Variants in ZXDC observed in about 807,000 individuals in gnomAD.
The protein encoded by ZXDC is ZXD family zinc finger C, also known as zinc finger protein ZXDC.
Under a neutral mutation model 63.6 loss-of-function variants are expected in ZXDC, and 58 were observed. The ratio of observed to expected loss-of-function variants is 0.91; its 90% CI spans 0.74 to 1.13. The LOEUF (loss-of-function observed/expected upper bound fraction) is 1.13. ZXDC is among the 50% of genes most tolerant of loss of function. ZXDC has a pLI of 0.00. For synonymous variants in ZXDC, 561 were observed against 496.1 expected (o/e 1.13, Z -1.74); for missense variants, 1,133 against 1,148.9 (o/e 0.99, Z 0.20).
intron 1 of ZXDC, among the ~76,000 whole-genome samples, chr3:126,473,624 C>G (rs1224781999): frequency 6.6e-6 from 1 of 152,216 alleles, no homozygotes; most frequent in African/African-American, 2.4e-5. Flanking sequence ...AGACTTTGAG[C>G]TAGTGGCCTC....
At chr3:126,441,360 G>T in intron 8 of ZXDC, 1 of 1,022,872 alleles carries the variant, frequency 9.8e-7, no homozygotes, top group Non-Finnish European at 1.2e-6. Flanking sequence ...GAAATGGGGT[G>T]GCTGAGACGG....
At chr3:126,443,825 A>C (rs572733432) in intron 7 of ZXDC, among the ~76,000 whole-genome samples, 1 of 152,254 alleles carries the variant, frequency 6.6e-6, no homozygotes, top group Non-Finnish European at 1.5e-5. Context: ...AACTGCAATT[A>C]TTAGTAATGC....
At position 126,475,383 on chromosome 3, in the gene ZXDC, G is replaced by A. The variant is rs1355832346; in HGVS notation, c.483C>T (p.Pro161=). The A allele has an allele frequency of 3.2e-6, 4 of 1,234,406 alleles. No individual in the cohort carries two copies. Among genetic ancestry groups the A allele is most frequent in the Admixed American group, 8.7e-5 (2 of 22,864 alleles). The allele number at this position is 1,234,406 out of a possible 1,614,324, so 76.5% of individuals were successfully genotyped here. ...GGCCGGAGGCCTGGGGCGCGCGGCG[G>A]GGAGCGGCGGCGCCCGCGGTTGCGG... ...PGPATAGAAA[P]RRAPQASGPS... The change falls in exon 1 of 10, where the codon CCC becomes CCT. Residue 161 remains proline (P), a synonymous_variant. Coordinates refer to ENST00000389709, the MANE Select transcript of ZXDC (RefSeq NM_025112.5).
chr3:126,458,980 T>A (rs1934416362), intron 7 of ZXDC: 10 of 980,862 alleles, frequency 1.0e-5, no homozygotes, highest in Non-Finnish European at 1.2e-5. Flanking sequence ...AGATATAAAA[T>A]CATATCAACC....
chr3:126,451,706 G>A (rs951353380), intron 7 of ZXDC: 14 of 985,344 alleles, frequency 1.4e-5, no homozygotes, highest in South Asian at 4.7e-5. Context: ...CTCGCTCGTT[G>A]CCATCCTCCT....
intron 8 of ZXDC, chr3:126,441,225 G>A: frequency 2.0e-6 from 2 of 985,966 alleles, no homozygotes; most frequent in Non-Finnish European, 2.4e-6. Context: ...GGACAGGCTG[G>A]GAGGGGCCTG....
At chr3:126,454,351 AG>A (rs1934229663) in intron 7 of ZXDC, 1 of 985,082 alleles carries the variant, frequency 1.0e-6, no homozygotes. Context: ...AAATGTCTAT[AG>A]GTCTTATAGT....
In ZXDC at chr3:126,439,636, A is replaced by G. The variant is rs758879811; in HGVS notation, c.2486T>C (p.Leu829Pro). ...FLTVDLPVYV[L>P]QEVLPSSGGP... ...AGGGCAGTAAGGCATCCAGACCTGG[A>G]GGACGTAGACGGGCAGGTCCACAGT... Residue 829 changes from leucine (L) to proline (P), a missense_variant, in exon 9 of 10, where the codon CTC becomes CCC. Transcript: ENST00000389709. 4.5e-6 allele frequency: 7 copies of G among 1,553,048 alleles called. No homozygotes were observed. In the South Asian group the frequency reaches 7.1e-5, roughly 16 times the overall value.
intron 7 of ZXDC, chr3:126,453,510 T>C: frequency 2.0e-6 from 2 of 985,450 alleles, no homozygotes; most frequent in Non-Finnish European, 2.4e-6. Flanking sequence ...ACATAATAGT[T>C]GGCTTACACA....
chr3:126,472,289 A>C lies in ZXDC; in HGVS notation c.924T>G (p.Phe308Leu). Residue 308 changes from phenylalanine to leucine, a missense_variant, in exon 2 of 10, where the codon TTT becomes TTG. Transcript: ENST00000389709. Reference protein sequence around the residue: ...KCDFPGCEKTFITVSALFSHN... With the variant: ...KCDFPGCEKTLITVSALFSHN... ...GGGAAAACAGGGCACTCACTGTGATAAATGTCTTCTCACAGCCTGAACAAG... is the reference window on the plus strand; with the variant it reads ...GGGAAAACAGGGCACTCACTGTGATCAATGTCTTCTCACAGCCTGAACAAG... 5.6e-6 allele frequency: 9 copies of C among 1,609,302 alleles called. No individual in the cohort carries two copies. The highest frequency in any genetic ancestry group is 7.7e-6 in the Non-Finnish European group (9 of 1,175,978).
At chr3:126,464,845 C>T (rs996417111) in intron 5 of ZXDC, among the ~76,000 whole-genome samples, 1 of 152,168 alleles carries the variant, frequency 6.6e-6, no homozygotes, top group African/African-American at 2.4e-5. Context: ...CCTCAAGACA[C>T]TACTAAAGCC....
At chr3:126,452,466 G>A (rs1046935204) in intron 7 of ZXDC, 1 of 985,238 alleles carries the variant, frequency 1.0e-6, no homozygotes, top group African/African-American at 1.7e-5. Flanking sequence ...GTTCCTAACA[G>A]GTGAGCACAC....
intron 7 of ZXDC, among the ~76,000 whole-genome samples, chr3:126,449,286 C>T (rs1934004232): frequency 6.6e-6 from 1 of 152,136 alleles, no homozygotes; most frequent in African/African-American, 2.4e-5. Flanking sequence ...GACTTTAATT[C>T]CTGGGCTCAA....
intron 7 of ZXDC, chr3:126,452,415 G>A (rs1030046863): frequency 4.6e-5 from 45 of 985,394 alleles, no homozygotes; most frequent in Non-Finnish European, 5.1e-5. Context: ...CGAGACAGGT[G>A]CAGGAGCCGA....
intron 4 of ZXDC, among the ~76,000 whole-genome samples, chr3:126,466,851 CTTA>C (rs1934789024): frequency 6.6e-6 from 1 of 152,078 alleles, no homozygotes; most frequent in Non-Finnish European, 1.5e-5. Context: ...CAACTCCTTG[CTTA>C]CACTCCCAGT....
At chr3:126,440,596 C>A (rs967509941) in intron 8 of ZXDC, 9 of 986,036 alleles carry the variant, frequency 9.1e-6, no homozygotes, top group Non-Finnish European at 9.6e-6. Flanking sequence ...CTCTGCCCTG[C>A]CAGCTGAGGC....
In ZXDC at chr3:126,461,911, A is replaced by C. The variant is rs1934563169; in HGVS notation, c.1751T>G (p.Leu584Arg). Residue 584 changes from leucine (L) to arginine (R), a missense_variant, in exon 6 of 10, where the codon CTC (leucine) becomes CGC (arginine). Transcript: ENST00000389709. ...IPPSLDSPLV[L>R]GTAATVLQQG... ...CTGCAGAACCGTGGCTGCTGTCCCG[A>C]GAACCAGAGGGCTGTCCAGGCTTGG... 1.2e-6 allele frequency: 2 copies of C among 1,614,152 alleles called. No individual in the cohort carries two copies. The highest frequency in any genetic ancestry group is 8.5e-7 in the Non-Finnish European group (1 of 1,180,032).
chr3:126,458,979 A>G, intron 7 of ZXDC: 1 of 980,944 alleles, frequency 1.0e-6, no homozygotes, highest in Non-Finnish European at 1.2e-6. Context: ...AAGATATAAA[A>G]TCATATCAAC....
intron 8 of ZXDC, chr3:126,440,961 T>C: frequency 1.0e-6 from 1 of 985,666 alleles, no homozygotes; most frequent in African/African-American, 1.7e-5. Flanking sequence ...CGCACTTCCG[T>C]GGGGCCTGCA....
Sources: allele counts gnomAD v4.1 joint callset (sites outside exome capture counted in the v4.1 genomes callset), GRCh38; gene constraint gnomAD v4.1.1; transcripts MANE v1.5; gene names NCBI Gene and HGNC (gene_info 2026-07-23, HGNC 2026-07-21).